R3HDM4: variants seen among roughly 807,000 people sequenced by gnomAD.
The protein encoded by R3HDM4 is R3H domain containing 4, also known as R3H domain-containing protein 4.
A neutral mutation model predicts 31.3 loss-of-function variants in R3HDM4; 30 were observed. The ratio of observed to expected loss-of-function variants is 0.96; its 90% CI spans 0.72 to 1.30. The LOEUF (loss-of-function observed/expected upper bound fraction) is 1.30. Ranked by LOEUF, R3HDM4 falls within the 50% of genes most tolerant of loss-of-function variation. The pLI is 0.00. For synonymous variants in R3HDM4, 196 were observed against 156.6 expected (o/e 1.25, Z -1.88); for missense variants, 444 against 366.1 (o/e 1.21, Z -1.74).
At chr19:904,860 A>G (rs1214087027) in intron 1 of R3HDM4, among the ~76,000 whole-genome samples, 3 of 152,184 alleles carry the variant, frequency 2.0e-5, no homozygotes, top group African/African-American at 7.2e-5. Flanking sequence ...AGAGTCCTCA[A>G]GCCTTAAGTC....
At chr19:901,042 C>A (rs2036829528) in intron 3 of R3HDM4, 90 bp from the exon 4 acceptor site, 2 of 1,439,014 alleles carry the variant, frequency 1.4e-6, no homozygotes, top group South Asian at 2.8e-5. Context: ...GGCCGCCAAG[C>A]ACGTGGACGC....
At position 898,659 on chromosome 19, in the gene R3HDM4, G is replaced by A. The variant is rs149206769; in HGVS notation, c.703+781C>T. 7.2e-3 allele frequency among the ~76,000 whole-genome samples: 1,079 copies of A among 150,900 alleles called. 15 individuals are homozygous for A. Among genetic ancestry groups the A allele is most frequent in the African/African-American group, 0.024 (1,000 of 41,286 alleles). ...GAGCCACGTCCCATGTGAGCTCCGCGCCTCAGCAGTCCCCTCTGCCTGGGA... is the reference window on the plus strand; with the variant it reads ...GAGCCACGTCCCATGTGAGCTCCGCACCTCAGCAGTCCCCTCTGCCTGGGA... On this transcript the variant is annotated intron_variant, in intron 7 of 7. Transcript: ENST00000361574.
intron 7 of R3HDM4, among the ~76,000 whole-genome samples, chr19:898,240 A>G (rs1350493334): frequency 7.0e-6 from 1 of 142,554 alleles, no homozygotes; most frequent in Non-Finnish European, 1.6e-5. Context: ...ATATATATAT[A>G]TATATATACA....
chr19:902,246 A>C, intron 1 of R3HDM4, 116 bp from the exon 2 acceptor site: 1 of 1,135,658 alleles, frequency 8.8e-7, no homozygotes, highest in Non-Finnish European at 1.3e-6. Context: ...GCTCACCCCT[A>C]CGGTGTGTGA....
intron 1 of R3HDM4, among the ~76,000 whole-genome samples, chr19:911,997 G>C (rs560390812): frequency 3.3e-5 from 5 of 149,794 alleles, no homozygotes; most frequent in African/African-American, 1.2e-4. Context: ...CCGACCCGCG[G>C]ACAGGGGCCC....
intron 1 of R3HDM4, 89 bp downstream of exon 1, chr19:912,998 A>AGG: frequency 2.9e-6 from 1 of 340,112 alleles, no homozygotes; most frequent in Non-Finnish European, 3.9e-6. Context: ...GGGAAGGGAA[A>AGG]GGAGGGGAGG....
chr19:901,625 TTCC>T (rs1478042196), intron 2 of R3HDM4, 79 bp from the exon 3 acceptor site: 1 of 1,530,222 alleles, frequency 6.5e-7, no homozygotes, highest in African/African-American at 1.4e-5. Flanking sequence ...AGAACTAGCC[TTCC>T]TCCTTTTTTA....
intron 7 of R3HDM4, among the ~76,000 whole-genome samples, chr19:897,863 C>T (rs1013594940): frequency 2.6e-5 from 4 of 152,230 alleles, no homozygotes; most frequent in African/African-American, 7.2e-5. Context: ...GCGGAGTGTC[C>T]GGCCTCCCCT....
rs775678683 is a variant in R3HDM4 at position 899,595 on chromosome 19, C to G, written c.647+6G>C. The G allele has an allele frequency of 2.6e-5, 42 of 1,612,448 alleles. No homozygotes were observed. Among genetic ancestry groups the G allele is most frequent in the Admixed American group, 3.3e-5 (2 of 59,864 alleles). On this transcript the variant is annotated splice_donor_region_variant and intron_variant, in intron 6 of 7. Transcript: ENST00000361574. The surrounding 1 kb of genome is among the most constrained non-coding windows in gnomAD (Gnocchi z 6.8). Reference sequence around the variant, plus strand: ...AGGGTCCGCTCGCCTGGCCGCCCCCCCTTACCTGTTGTCTAGCATTGCTGT... The same window carrying G: ...AGGGTCCGCTCGCCTGGCCGCCCCCGCTTACCTGTTGTCTAGCATTGCTGT...
rs1223026339 is a variant in R3HDM4 at position 896,985 on chromosome 19, G to A, written c.*452C>T. The A allele has an allele frequency of 1.3e-5, 2 of 158,134 alleles. No individual in the cohort carries two copies. The highest frequency in any genetic ancestry group is 4.8e-5 in the African/African-American group (2 of 41,546). The allele number at this position is 158,134 out of a possible 1,614,324, so 9.8% of individuals were successfully genotyped here. Reference sequence around the variant, plus strand: ...TTCAAGCTAAAAACTGGGAGGGGCTGAGCAGGGGCTGGGACCAAGACCCAT... The same window carrying A: ...TTCAAGCTAAAAACTGGGAGGGGCTAAGCAGGGGCTGGGACCAAGACCCAT... On this transcript the variant is annotated 3_prime_UTR_variant, in exon 8 of 8. Transcript: ENST00000361574. This position sits in a 1 kb window ranked among gnomAD's most constrained non-coding sequence, Gnocchi z 4.0.
At chr19:906,419 C>T (rs1033248201) in intron 1 of R3HDM4, among the ~76,000 whole-genome samples, 1 of 151,978 alleles carries the variant, frequency 6.6e-6, no homozygotes, top group Admixed American at 6.6e-5. Context: ...TGGGGTTTAC[C>T]GTGTCAGCCA....
In R3HDM4 at chr19:900,153, G is replaced by A. The variant is rs2145284217; in HGVS notation, c.476-7C>T. 10 of 1,556,772 alleles carry A rather than the reference G, an allele frequency of 6.4e-6. No individual in the cohort carries two copies. The East Asian group carries it at 2.1e-4, about 32-fold the overall frequency. On this transcript the variant is annotated splice_region_variant and splice_polypyrimidine_tract_variant and intron_variant, in intron 4 of 7. Coordinates refer to ENST00000361574, the MANE Select transcript of R3HDM4 (RefSeq NM_138774.4). ...GGTGTATAGGCGGGGTCCTCTGCAG[G>A]AGTGGGGGAACAAGGGGCAGTCTTG...
intron 1 of R3HDM4, among the ~76,000 whole-genome samples, chr19:911,076 G>A (rs1239252199): frequency 1.3e-5 from 2 of 151,614 alleles, no homozygotes; most frequent in South Asian, 2.1e-4. Flanking sequence ...AGCCGAGATC[G>A]CCCCACTGCA....
chr19:903,564 G>A (rs113564307), intron 1 of R3HDM4, among the ~76,000 whole-genome samples: 1 of 152,044 alleles, frequency 6.6e-6, no homozygotes, highest in East Asian at 1.9e-4. Context: ...GGGCCGGTGA[G>A]GGGGGGCCTC....
intron 1 of R3HDM4, among the ~76,000 whole-genome samples, chr19:903,983 A>G (rs189695356): frequency 4.3e-4 from 66 of 152,208 alleles, no homozygotes; most frequent in African/African-American, 1.5e-3. Flanking sequence ...CCGGGGAGGC[A>G]GAGCTTGCAG....
intron 1 of R3HDM4, among the ~76,000 whole-genome samples, chr19:910,398 C>T (rs1316768445): frequency 3.3e-5 from 5 of 151,324 alleles, no homozygotes; most frequent in Admixed American, 1.3e-4. Context: ...GCAGGAGGAT[C>T]GCCTGAGCCC....
intron 7 of R3HDM4, among the ~76,000 whole-genome samples, chr19:898,493 G>A (rs371922695): frequency 2.6e-5 from 4 of 151,468 alleles, no homozygotes; most frequent in Non-Finnish European, 4.4e-5. Flanking sequence ...CCAGCTACTC[G>A]GGAGGCTGAG....
At position 907,533 on chromosome 19, in the gene R3HDM4, C is replaced by T. The variant is rs2036921923; in HGVS notation, c.72-5403G>A. ...CATATTACAGATGAAGGATCTGAGG[C>T]TTGGAGAGGTGGGGCTGTCCCCCGT... On this transcript the variant is annotated intron_variant, in intron 1 of 7. Coordinates refer to ENST00000361574, the MANE Select transcript of R3HDM4 (RefSeq NM_138774.4). The surrounding 1 kb of genome is among the most constrained non-coding windows in gnomAD (Gnocchi z 4.1). 2.0e-5 allele frequency among the ~76,000 whole-genome samples: 3 copies of T among 152,244 alleles called. No individual in the cohort carries two copies. In the South Asian group the frequency reaches 6.2e-4, roughly 32 times the overall value.
rs200123257 is a variant in R3HDM4 at position 902,021 on chromosome 19, C to A, written c.181G>T (p.Val61Leu). The change falls in exon 2 of 8, where the codon GTG becomes TTG. Residue 61 changes from valine (V) to leucine (L), a missense_variant. By Grantham distance (32) the Val-to-Leu change is conservative. Transcript: ENST00000361574. ...CTCTTCCGCCCCTTGGCCTTGGGCA[C>A]GAGGTCTGAGTTCCGCACTGCCTGG... The part of the protein sequence containing the change: ...INQAVRNSDL[V>L]PKAKGRKSLQ... 4.3e-6 allele frequency: 7 copies of A among 1,613,782 alleles called. No individual in the cohort carries two copies. The African/African-American group carries it at 9.3e-5, about 22-fold the overall frequency.
Sources: gnomAD v4.1 joint callset for allele counts (sites outside exome capture counted in the v4.1 genomes callset) on GRCh38, gnomAD v4.1.1 for gene constraint, Gnocchi (gnomAD v3.1) non-coding constraint, MANE v1.5 for transcripts, NCBI Gene and HGNC (gene_info 2026-07-23, HGNC 2026-07-21) for gene names.